Variants in EGFL8 observed in about 807,000 individuals in gnomAD.
The protein encoded by EGFL8 is epidermal growth factor-like protein 8.
A neutral mutation model predicts 39.4 loss-of-function variants in EGFL8; 32 were observed. The observed-to-expected ratio is 0.81, with a 90% confidence interval of 0.61 to 1.09. EGFL8 has a LOEUF of 1.09. EGFL8 is among the 50% of genes least tolerant of loss of function. The probability of loss-of-function intolerance (pLI) is 0.00; values close to 1 mark genes in which losing one functional copy is unlikely to be tolerated. For synonymous variants in EGFL8, 177 were observed against 168.5 expected, an observed-to-expected ratio of 1.05 and a Z score of -0.39; for missense variants, 385 against 402.2, an observed-to-expected ratio of 0.96 and a Z score of 0.37.
In EGFL8 at chr6:32,167,897, T is replaced by C; in HGVS notation, c.836-13T>C. On this transcript the variant is annotated splice_polypyrimidine_tract_variant and intron_variant, in intron 8 of 8. Coordinates refer to ENST00000333845, the MANE Select transcript of EGFL8 (RefSeq NM_030652.4). This position sits in a 1 kb window ranked among gnomAD's most constrained non-coding sequence, Gnocchi z 6.4. Reference sequence around the variant, plus strand: ...CTGACCACAGCCACTGTGTCTGCCATGTCATTAACCAGGCTCCTGTGAGGA... The same window carrying C: ...CTGACCACAGCCACTGTGTCTGCCACGTCATTAACCAGGCTCCTGTGAGGA... 2.5e-6 allele frequency: 4 copies of C among 1,614,110 alleles called. No individual in the cohort carries two copies. Among genetic ancestry groups the C allele is most frequent in the East Asian group, 2.2e-5 (1 of 44,890 alleles).
chr6:32,167,601 C>A lies in EGFL8; in HGVS notation c.780C>A (p.Asp260Glu), dbSNP rs758258579. Residue 260 changes from aspartate (D) to glutamate (E), a missense_variant, in exon 8 of 9, where the codon GAC becomes GAA. Physicochemically the swap from Asp to Glu is conservative, Grantham distance 45. Transcript: ENST00000333845. The surrounding 1 kb of genome is among the most constrained non-coding windows in gnomAD (Gnocchi z 6.4). ...EQVAELWGRGDRIESLSDQVL... is the reference protein window; with the variant it reads ...EQVAELWGRGERIESLSDQVL... ...TGGCTGAGCTGTGGGGCCGGGGTGA[C>A]CGGATCGAATCTCTCAGCGACCAGG... is the stretch of plus-strand genomic sequence containing the variant. 1.9e-6 allele frequency: 3 copies of A among 1,611,270 alleles called. No homozygotes were observed. Among genetic ancestry groups the A allele is most frequent in the Non-Finnish European group, 2.5e-6 (3 of 1,179,932 alleles).
At chr6:32,165,695 AATC>A (rs1330005803) in intron 1 of EGFL8, 9 of 187,962 alleles carry the variant, frequency 4.8e-5, no homozygotes, top group Non-Finnish European at 1.0e-4. Context: ...GAGGCAGGAG[AATC>A]ACTTGAACCT....
In EGFL8 at chr6:32,167,214, G is replaced by T. The variant is rs1424626320; in HGVS notation, c.558G>T (p.Gly186=). Residue 186 remains glycine (G), a synonymous_variant, in exon 6 of 9, where the codon GGG becomes GGT. Coordinates refer to ENST00000333845, the MANE Select transcript of EGFL8 (RefSeq NM_030652.4). This position sits in a 1 kb window ranked among gnomAD's most constrained non-coding sequence, Gnocchi z 6.4. ...LGVDGRTCME[G]SPEPPTSASI... ...TGGACGGGCGCACCTGCATGGAGGG[G>T]TCCCCAGAGCCCCCAACCAGTGCCA... is the stretch of plus-strand genomic sequence containing the variant. The T allele has an allele frequency of 1.2e-6, 2 of 1,612,752 alleles. No homozygotes were observed. Among genetic ancestry groups the T allele is most frequent in the Non-Finnish European group, 1.7e-6 (2 of 1,179,974 alleles).
chr6:32,166,977 C>T lies in EGFL8; in HGVS notation c.402C>T (p.Pro134=), dbSNP rs751693749. ...CVRPDQCECA[P]GWGGKHCHVD... ...GGCCTGACCAGTGCGAGTGCGCCCC[C>T]GGCTGGGGAGGGAAGCACTGTCATG... The change falls in exon 5 of 9, where the codon CCC becomes CCT. Residue 134 remains proline, a synonymous_variant. Transcript: ENST00000333845. The surrounding 1 kb of genome is among the most constrained non-coding windows in gnomAD (Gnocchi z 7.3). 84 of 1,613,126 alleles carry T rather than the reference C, an allele frequency of 5.2e-5. 1 individual carries two copies. Among genetic ancestry groups the T allele is most frequent in the Middle Eastern group, 1.6e-4 (1 of 6,062 alleles).
Position 32,168,104 on chromosome 6 carries a change from G to C in EGFL8, c.*148G>C, listed in dbSNP as rs1185718774. ...AAACTTCAGAGAGCTGAAGAAAGGG[G>C]GAGGCCTGTGTTCTTGGCCTGCCCC... On this transcript the variant is annotated 3_prime_UTR_variant, in exon 9 of 9. Coordinates refer to ENST00000333845, the MANE Select transcript of EGFL8 (RefSeq NM_030652.4). This position sits in a 1 kb window ranked among gnomAD's most constrained non-coding sequence, Gnocchi z 4.5. The C allele has an allele frequency of 2.4e-6, 2 of 837,750 alleles. No individual in the cohort carries two copies. The highest frequency in any genetic ancestry group is 2.6e-5 in the East Asian group (1 of 37,840). The allele number at this position is 837,750 out of a possible 1,614,324, so 51.9% of individuals were successfully genotyped here.
At position 32,167,124 on chromosome 6, in the gene EGFL8, G is replaced by A. The variant is rs747663052; in HGVS notation, c.468G>A (p.Ser156=). The A allele has an allele frequency of 6.2e-6, 10 of 1,613,042 alleles. No individual in the cohort carries two copies. The highest frequency in any genetic ancestry group is 7.6e-6 in the Non-Finnish European group (9 of 1,180,038). ...DECRTSITLC[S]HHCFNTAGSF... The stretch of plus-strand genomic sequence containing the variant: ...GTAGGACCAGCATCACCCTCTGCTC[G>A]CACCATTGTTTTAATACGGCAGGCA... Residue 156 remains serine (S), a synonymous_variant, in exon 6 of 9, where the codon TCG becomes TCA. Transcript: ENST00000333845. This position sits in a 1 kb window ranked among gnomAD's most constrained non-coding sequence, Gnocchi z 6.4.
In EGFL8 at chr6:32,168,063, G is replaced by C. The variant is rs572342669; in HGVS notation, c.*107G>C. ...GCAGATAAGGCTATCAGCCACCAAA[G>C]AGCAATGAACAATGGAAACTTCAGA... On this transcript the variant is annotated 3_prime_UTR_variant, in exon 9 of 9. Transcript: ENST00000333845. The surrounding 1 kb of genome is among the most constrained non-coding windows in gnomAD (Gnocchi z 4.5). 8.4e-7 allele frequency: 1 copy of C among 1,184,966 alleles called. No individual in the cohort carries two copies. The allele number at this position is 1,184,966 out of a possible 1,614,324, so 73.4% of individuals were successfully genotyped here. A position where few individuals can be genotyped will look rare whatever the true frequency, so the allele number is the denominator to read the frequency against.
rs3096697 is a variant in EGFL8, at chr6:32,166,733, G to A, written c.257G>A (p.Arg86Lys). ...TACCGCGTTATGTGGCGGGAGGTGA[G>A]GCGGGAGGTTCAGCAGACCCATGCA... ...TMYRVMWREV[R>K]REVQQTHAVC... The change falls in exon 4 of 9, where the codon AGG becomes AAG. Residue 86 changes from arginine to lysine, a missense_variant. Arg to Lys is a conservative substitution (Grantham distance 26). Coordinates refer to ENST00000333845, the MANE Select transcript of EGFL8 (RefSeq NM_030652.4). This position sits in a 1 kb window ranked among gnomAD's most constrained non-coding sequence, Gnocchi z 7.3. 321,070 of 1,592,584 alleles carry A rather than the reference G, an allele frequency of 0.2. 35,265 individuals are homozygous for A. Among genetic ancestry groups the A allele is most frequent in the Non-Finnish European group, 0.22 (261,916 of 1,166,926 alleles).
Position 32,166,633 on chromosome 6 carries a change from G to T in EGFL8, c.224+13G>T. 6.2e-7 allele frequency: 1 copy of T among 1,614,216 alleles called. No individual in the cohort carries two copies. The highest frequency in any genetic ancestry group is 8.5e-7 in the Non-Finnish European group (1 of 1,180,030). Reference sequence around the variant, plus strand: ...GCAGCACTTACAGGTGAGGGATGGGGAGATGGGACCCCAAGAACCCCAACT... The same window carrying T: ...GCAGCACTTACAGGTGAGGGATGGGTAGATGGGACCCCAAGAACCCCAACT... On this transcript the variant is annotated intron_variant, in intron 3 of 8. Coordinates refer to ENST00000333845, the MANE Select transcript of EGFL8 (RefSeq NM_030652.4). This position sits in a 1 kb window ranked among gnomAD's most constrained non-coding sequence, Gnocchi z 7.3.
In EGFL8 at chr6:32,166,030, T is replaced by A. The variant is rs1365362157; in HGVS notation, c.-28-108T>A. 1.2e-6 allele frequency: 1 copy of A among 804,702 alleles called. No homozygotes were observed. Among genetic ancestry groups the A allele is most frequent in the Non-Finnish European group, 2.1e-6 (1 of 471,984 alleles). The allele number at this position is 804,702 out of a possible 1,614,324, so 49.8% of individuals were successfully genotyped here. The stretch of plus-strand genomic sequence containing the variant: ...CTGGTGGCTAGTATGTAAAAGTGAA[T>A]GTCCTGACTCCCTTAGAGGGTACCT... On this transcript the variant is annotated intron_variant, in intron 1 of 8. Transcript: ENST00000333845. This position sits in a 1 kb window ranked among gnomAD's most constrained non-coding sequence, Gnocchi z 7.3.
intron 1 of EGFL8, chr6:32,165,853 T>C: frequency 2.1e-6 from 1 of 473,322 alleles, no homozygotes; most frequent in Non-Finnish European, 3.8e-6. Context: ...TGACTGTGTG[T>C]CCCTCCAGGT....
rs1271352563 is a variant in EGFL8 at position 32,166,262 on chromosome 6, G to C, written c.97G>C (p.Glu33Gln). The change falls in exon 2 of 9, where the codon GAG becomes CAG. Residue 33 changes from glutamate (E) to glutamine (Q), a missense_variant. By Grantham distance (29) the Glu-to-Gln change is conservative. Coordinates refer to ENST00000333845, the MANE Select transcript of EGFL8 (RefSeq NM_030652.4). This position sits in a 1 kb window ranked among gnomAD's most constrained non-coding sequence, Gnocchi z 7.3. The stretch of plus-strand genomic sequence containing the variant: ...GGGGGCCAAGGGTGGATCCCTCAGA[G>C]AGAGGTGACAACAGAGGGGGTAGGG... ...GEGAKGGSLRESQGVCSKQTL... is the reference protein window; with the variant it reads ...GEGAKGGSLRQSQGVCSKQTL... 3 of 1,613,896 alleles carry C rather than the reference G, an allele frequency of 1.9e-6. No individual in the cohort carries two copies. The highest frequency in any genetic ancestry group is 2.5e-6 in the Non-Finnish European group (3 of 1,179,996).
At position 32,167,005 on chromosome 6, in the gene EGFL8, G is replaced by C. The variant is rs1291171276; in HGVS notation, c.430G>C (p.Asp144His). ...PGWGGKHCHV[D>H]VDECRTSITL... ...CTGGGGAGGGAAGCACTGTCATGTGGGTGAGTCAGCTTGTCCTCCCCACCT... is the reference window on the plus strand; with the variant it reads ...CTGGGGAGGGAAGCACTGTCATGTGCGTGAGTCAGCTTGTCCTCCCCACCT... Residue 144 changes from aspartate (D) to histidine (H), a missense_variant and splice_region_variant, in exon 5 of 9, where the codon GAC becomes CAC. Asp to His is a moderately conservative substitution (Grantham distance 81). Transcript: ENST00000333845. The surrounding 1 kb of genome is among the most constrained non-coding windows in gnomAD (Gnocchi z 6.4). 1 of 1,613,020 alleles carries C rather than the reference G, an allele frequency of 6.2e-7. No homozygotes were observed. The highest frequency in any genetic ancestry group is 8.5e-7 in the Non-Finnish European group (1 of 1,180,006).
In EGFL8 at chr6:32,167,387, GGAGATTCACGAGCT is replaced by G. The variant is rs1784618258; in HGVS notation, c.641_654del (p.Glu214AlafsTer27). ...AAAAAGATGAGCGCGCTCTGAAGCA[GGAGATTCACGAGCT>G]GCGAGGGCGCCTGGAGCGGCTGGAG... On this transcript the variant is annotated frameshift_variant, in exon 7 of 9. Transcript: ENST00000333845. LOFTEE classifies it high-confidence loss of function. This position sits in a 1 kb window ranked among gnomAD's most constrained non-coding sequence, Gnocchi z 6.4. The G allele has an allele frequency of 6.2e-7, 1 of 1,612,974 alleles. No individual in the cohort carries two copies. Among genetic ancestry groups the G allele is most frequent in the South Asian group, 1.1e-5 (1 of 91,096 alleles).
At position 32,166,814 on chromosome 6, in the gene EGFL8, A is replaced by T; in HGVS notation, c.334+4A>T. The T allele has an allele frequency of 6.4e-7, 1 of 1,572,520 alleles. No homozygotes were observed. The highest frequency in any genetic ancestry group is 8.6e-7 in the Non-Finnish European group (1 of 1,158,052). ...CCGGGGGCGCTCACCTGTGAAGGTG[A>T]GGCTGGGTCTTCCGGGCCTTGCGGG... On this transcript the variant is annotated splice_donor_region_variant and intron_variant, in intron 4 of 8. Transcript: ENST00000333845. The surrounding 1 kb of genome is among the most constrained non-coding windows in gnomAD (Gnocchi z 7.3).
In EGFL8 at chr6:32,167,872, C is replaced by A. The variant is rs763957390; in HGVS notation, c.836-38C>A. On this transcript the variant is annotated intron_variant, in intron 8 of 8. Coordinates refer to ENST00000333845, the MANE Select transcript of EGFL8 (RefSeq NM_030652.4). This position sits in a 1 kb window ranked among gnomAD's most constrained non-coding sequence, Gnocchi z 6.4. The stretch of plus-strand genomic sequence containing the variant: ...GAGTGGCAGTGTAGTCCACTCCAGG[C>A]TGACCACAGCCACTGTGTCTGCCAT... The A allele has an allele frequency of 1.9e-6, 3 of 1,608,230 alleles. No homozygotes were observed. The highest frequency in any genetic ancestry group is 2.6e-6 in the Non-Finnish European group (3 of 1,174,682).
Position 32,166,148 on chromosome 6 carries a change from C to T in EGFL8, c.-18C>T. 1 of 1,613,632 alleles carries T rather than the reference C, an allele frequency of 6.2e-7. No homozygotes were observed. Among genetic ancestry groups the T allele is most frequent in the Non-Finnish European group, 8.5e-7 (1 of 1,179,606 alleles). On this transcript the variant is annotated 5_prime_UTR_variant, in exon 2 of 9. Transcript: ENST00000333845. The surrounding 1 kb of genome is among the most constrained non-coding windows in gnomAD (Gnocchi z 7.3). ...TTTTCTTGCCTGCAGCCTGTAGGGT[C>T]CAGCGTCAAAGCGAATCATGGGGTC...
chr6:32,166,524 T>C lies in EGFL8; in HGVS notation c.128T>C (p.Leu43Pro). 6.2e-7 allele frequency: 1 copy of C among 1,613,826 alleles called. No individual in the cohort carries two copies. Among genetic ancestry groups the C allele is most frequent in the Middle Eastern group, 1.6e-4 (1 of 6,062 alleles). The change falls in exon 3 of 9, where the codon CTG becomes CCG. Residue 43 changes from leucine (L) to proline (P), a missense_variant. Physicochemically the swap from Leu to Pro is moderately conservative, Grantham distance 98. Transcript: ENST00000333845. This position sits in a 1 kb window ranked among gnomAD's most constrained non-coding sequence, Gnocchi z 7.3. Reference sequence around the variant, plus strand: ...CAGGGAGTCTGCTCCAAGCAGACACTGGTGGTCCCGCTCCACTACAACGAG... The same window carrying C: ...CAGGGAGTCTGCTCCAAGCAGACACCGGTGGTCCCGCTCCACTACAACGAG... Reference protein sequence around the residue: ...ESQGVCSKQTLVVPLHYNESY... With the variant: ...ESQGVCSKQTPVVPLHYNESY...
At position 32,168,258 on chromosome 6, in the gene EGFL8, T is replaced by C. The variant is rs1784730050; in HGVS notation, c.*302T>C. On this transcript the variant is annotated 3_prime_UTR_variant, in exon 9 of 9. Transcript: ENST00000333845. This position sits in a 1 kb window ranked among gnomAD's most constrained non-coding sequence, Gnocchi z 4.5. ...AGTTTTTTTGCTGTTATCCAGATAATTAATAAAAACCAACCACGCAAAACT... is the reference window on the plus strand; with the variant it reads ...AGTTTTTTTGCTGTTATCCAGATAACTAATAAAAACCAACCACGCAAAACT... 1 of 409,718 alleles carries C rather than the reference T, an allele frequency of 2.4e-6. No individual in the cohort carries two copies. 25.4% of individuals were successfully genotyped at this position (409,718 alleles called of 1,614,324 possible).
Sources: gnomAD v4.1 joint callset for allele counts on GRCh38, gnomAD v4.1.1 for gene constraint, Gnocchi (gnomAD v3.1) non-coding constraint, MANE v1.5 for transcripts, NCBI Gene and HGNC (gene_info 2026-07-23, HGNC 2026-07-21) for gene names.